The following LYPD6 variants were observed in gnomAD, a reference collection of about 807,000 sequenced individuals.
The protein encoded by LYPD6 is LY6/PLAUR domain containing 6.
Under a neutral mutation model 22.7 loss-of-function variants are expected in LYPD6, and 15 were observed. The observed-to-expected ratio is 0.66, with a 90% CI of 0.44 to 1.02. LYPD6 has a LOEUF of 1.02. Among genes scored for constraint, LYPD6 ranks in the 50% least tolerant of loss-of-function variants. The probability of loss-of-function intolerance (pLI) is 0.00; values close to 1 mark genes in which losing one functional copy is unlikely to be tolerated. For synonymous variants in LYPD6, 72 were observed against 77.5 expected (o/e 0.93, Z 0.37); for missense variants, 189 against 208.4 (o/e 0.91, Z 0.57).
chr2:149,403,855 T>G (rs1002537929), intron 1 of LYPD6, among the ~76,000 whole-genome samples: 1 of 152,236 alleles, frequency 6.6e-6, no homozygotes, highest in Non-Finnish European at 1.5e-5. Context: ...CTAGGGTTTT[T>G]ATGGTTTTAG....
chr2:149,484,628 A>G, the LYPD6 span, among the ~76,000 whole-genome samples: 1 of 152,198 alleles, frequency 6.6e-6, no homozygotes, highest in Non-Finnish European at 1.5e-5. Flanking sequence ...TTAATGTGTC[A>G]AGGTGTTTGG....
chr2:149,447,685 A>G (rs1432946557), intron 2 of LYPD6, among the ~76,000 whole-genome samples: 3 of 152,238 alleles, frequency 2.0e-5, no homozygotes, highest in Non-Finnish European at 2.9e-5. Flanking sequence ...AAATGGTCAA[A>G]CATCAGGAAA....
At chr2:149,356,668 T>C (rs1342190378) in intron 1 of LYPD6, among the ~76,000 whole-genome samples, 2 of 152,152 alleles carry the variant, frequency 1.3e-5, no homozygotes, top group African/African-American at 4.8e-5. Flanking sequence ...CTTTTTGGCA[T>C]GCAGGAGGAA....
intron 1 of LYPD6, among the ~76,000 whole-genome samples, chr2:149,409,572 G>A (rs1682808156): frequency 6.6e-6 from 1 of 152,140 alleles, no homozygotes; most frequent in African/African-American, 2.4e-5. Context: ...ACCAGGTTGG[G>A]GCAGGGATAG....
At chr2:149,392,485 C>T (rs984666183) in intron 1 of LYPD6, among the ~76,000 whole-genome samples, 2 of 152,172 alleles carry the variant, frequency 1.3e-5, no homozygotes, top group Non-Finnish European at 1.5e-5. Flanking sequence ...CTTGGCATAA[C>T]TCAGCTCTTC....
chr2:149,376,333 A>G (rs1051789950), intron 1 of LYPD6, among the ~76,000 whole-genome samples: 2 of 152,172 alleles, frequency 1.3e-5, no homozygotes, highest in African/African-American at 2.4e-5. Flanking sequence ...TTTCATCTGA[A>G]TACTATTAAA....
chr2:149,408,664 C>G (rs1237755382), intron 1 of LYPD6, among the ~76,000 whole-genome samples: 7 of 152,194 alleles, frequency 4.6e-5, no homozygotes, highest in Non-Finnish European at 1.0e-4. Flanking sequence ...TCTTCAAGCT[C>G]TGAAGTTCTT....
chr2:149,420,698 C>T (rs566623896), intron 1 of LYPD6, among the ~76,000 whole-genome samples: 11 of 152,232 alleles, frequency 7.2e-5, no homozygotes, highest in Middle Eastern at 3.4e-3. Context: ...CAGGGCCTGC[C>T]TACTTCCTTT....
intron 1 of LYPD6, among the ~76,000 whole-genome samples, chr2:149,391,275 A>G (rs1682302389): frequency 6.6e-6 from 1 of 152,050 alleles, no homozygotes; most frequent in Non-Finnish European, 1.5e-5. Flanking sequence ...TGAGTGGGGG[A>G]ACCACTTGTT....
chr2:149,413,810 G>A (rs1037109339), intron 1 of LYPD6, among the ~76,000 whole-genome samples: 2 of 152,178 alleles, frequency 1.3e-5, no homozygotes, highest in African/African-American at 4.8e-5. Context: ...GTGACTGTGG[G>A]TTTTGGGGAA....
chr2:149,416,193 A>G (rs975928598), intron 1 of LYPD6, among the ~76,000 whole-genome samples: 2 of 152,178 alleles, frequency 1.3e-5, no homozygotes, highest in Non-Finnish European at 2.9e-5. Flanking sequence ...TGGGGTCTGC[A>G]GTGGGTACTC....
intron 1 of LYPD6, among the ~76,000 whole-genome samples, chr2:149,332,035 A>G (rs1372860320): frequency 6.6e-6 from 1 of 152,254 alleles, no homozygotes. Context: ...ATATGCGCTC[A>G]CGTGTACCAA....
At chr2:149,334,348 A>G (rs945397211) in intron 1 of LYPD6, among the ~76,000 whole-genome samples, 2 of 152,218 alleles carry the variant, frequency 1.3e-5, no homozygotes, top group South Asian at 2.1e-4. Context: ...CTTTCATCAT[A>G]CCAAACATGT....
chr2:149,353,385 C>T (rs1681393946), intron 1 of LYPD6, among the ~76,000 whole-genome samples: 1 of 152,152 alleles, frequency 6.6e-6, no homozygotes, highest in South Asian at 2.1e-4. Context: ...TAGGATGATG[C>T]ACATTACTAT....
chr2:149,399,583 A>G (rs928123282), intron 1 of LYPD6, among the ~76,000 whole-genome samples: 3 of 152,128 alleles, frequency 2.0e-5, no homozygotes, highest in Admixed American at 2.0e-4. Context: ...TATGGGATAT[A>G]GGGACCATTG....
chr2:149,464,113 TAA>T (rs34341723), intron 3 of LYPD6: 20,214 of 344,274 alleles, frequency 0.059, 171 homozygotes, highest in Admixed American at 0.11. Context: ...TAGGTTAAAT[TAA>T]AAAAAAAAAA....
At chr2:149,477,601 T>G (rs1431769026), downstream of LYPD6, among the ~76,000 whole-genome samples, 15 of 115,218 alleles carry the variant, frequency 1.3e-4, no homozygotes, top group African/African-American at 4.5e-4. Flanking sequence ...CCAGCCTGGG[T>G]GACAGAGCAA....
chr2:149,390,807 G>T (rs931509555), intron 1 of LYPD6, among the ~76,000 whole-genome samples: 7 of 152,198 alleles, frequency 4.6e-5, no homozygotes, highest in African/African-American at 1.7e-4. Flanking sequence ...ATGATGAACA[G>T]ATTATGACAT....
chr2:149,357,600 T>C (rs886899697), intron 1 of LYPD6, among the ~76,000 whole-genome samples: 2 of 152,162 alleles, frequency 1.3e-5, no homozygotes, highest in Non-Finnish European at 2.9e-5. Context: ...CAAATTATAA[T>C]CTCACTACAG....
Sources: gnomAD v4.1 joint callset for allele counts (sites outside exome capture counted in the v4.1 genomes callset) on GRCh38, gnomAD v4.1.1 for gene constraint, MANE v1.5 for transcripts, NCBI Gene and HGNC (gene_info 2026-07-23, HGNC 2026-07-21) for gene names.